BIRC6: variants seen among roughly 807,000 people sequenced by gnomAD.
BIRC6 encodes the protein baculoviral IAP repeat containing 6, also known as dual E2 ubiquitin-conjugating enzyme/E3 ubiquitin-protein ligase BIRC6.
A neutral mutation model predicts 503.3 loss-of-function variants in BIRC6; 98 were observed. That is an observed-to-expected ratio of 0.19 (90% CI 0.17 to 0.23). The LOEUF (loss-of-function observed/expected upper bound fraction) is 0.23. BIRC6 is among the 10% of genes least tolerant of loss of function. The probability of loss-of-function intolerance (pLI) is 1.00; values close to 1 mark genes in which losing one functional copy is unlikely to be tolerated. For missense variants in BIRC6, 5,360 were observed against 5,806.0 expected, an observed-to-expected ratio of 0.92 and a Z score of 2.50; for synonymous variants, 2,240 against 2,078.7, an observed-to-expected ratio of 1.08 and a Z score of -2.11.
chr2:32,440,751 T>TTTTTTTATTATTA (rs773312894), intron 16 of BIRC6, among the ~76,000 whole-genome samples: 2 of 147,150 alleles, frequency 1.4e-5, no homozygotes, highest in Non-Finnish European at 3.0e-5. Context: ...TGTTTATTTA[T>TTTTTTTATTATTA]TTATTATTAT....
intron 30 of BIRC6, 146 bp downstream of exon 30, chr2:32,469,760 CA>C: frequency 1.4e-6 from 1 of 720,360 alleles, no homozygotes; most frequent in Non-Finnish European, 2.3e-6. Flanking sequence ...CAGTGAAGGG[CA>C]CCAGCACTGT....
At position 32,491,502 on chromosome 2, in the gene BIRC6, T is replaced by G. The variant is rs763597216; in HGVS notation, c.8284T>G (p.Leu2762Val). The change falls in exon 44 of 74, where the codon TTA (leucine) becomes GTA (valine). Residue 2762 changes from leucine (L) to valine (V), a missense_variant. Transcript: ENST00000421745. Reference sequence around the variant, plus strand: ...TTCAGATCCAAACCTAATTCATGTATTAGTGAAATTTCTTTCTGGCACCAG... The same window carrying G: ...TTCAGATCCAAACCTAATTCATGTAGTAGTGAAATTTCTTTCTGGCACCAG... ...LVSDPNLIHV[L>V]VKFLSGTSPH... is the part of the protein sequence containing the mutation. The G allele has an allele frequency of 1.9e-6, 3 of 1,613,554 alleles. No homozygotes were observed. The South Asian group carries it at 3.3e-5, about 18-fold the overall frequency.
chr2:32,419,663 T>A (rs1574075808), intron 10 of BIRC6, among the ~76,000 whole-genome samples: 1 of 152,216 alleles, frequency 6.6e-6, no homozygotes, highest in East Asian at 1.9e-4. Flanking sequence ...AGGCCGCAAT[T>A]AATAGGGAAC....
chr2:32,390,158 C>T (rs753174765), intron 4 of BIRC6, among the ~76,000 whole-genome samples: 8 of 151,310 alleles, frequency 5.3e-5, no homozygotes, highest in Non-Finnish European at 1.0e-4. Flanking sequence ...TGGCACCCAG[C>T]CAAATTTTCT....
chr2:32,571,494 G>T (rs1463478150), intron 65 of BIRC6, among the ~76,000 whole-genome samples: 2 of 148,298 alleles, frequency 1.3e-5, no homozygotes, highest in Non-Finnish European at 3.0e-5. Context: ...TCAGGAGGTT[G>T]TATGTTTCCA....
chr2:32,525,872 T>G (rs1004915396), intron 59 of BIRC6, among the ~76,000 whole-genome samples: 8 of 152,200 alleles, frequency 5.3e-5, no homozygotes, highest in Non-Finnish European at 1.2e-4. Flanking sequence ...TAAGTTTTTC[T>G]GTCAGTGTGC....
intron 22 of BIRC6, 66 bp downstream of exon 22, chr2:32,448,994 T>C: frequency 6.8e-7 from 1 of 1,463,444 alleles, no homozygotes; most frequent in Non-Finnish European, 9.4e-7. Context: ...GCCATTTGAC[T>C]TAATAGATTA....
Position 32,499,969 on chromosome 2 carries a change from A to G in BIRC6, c.8891A>G (p.Lys2964Arg), listed in dbSNP as rs2052954397. Residue 2964 changes from lysine (K) to arginine (R), a missense_variant, in exon 46 of 74, where the codon AAA becomes AGA. Transcript: ENST00000421745. ...GATGAAGAAAAAGTCTCAGGAGGCA[A>G]AGATGGCAATGGAAGCAGTACCAGT... ...VSDEEKVSGG[K>R]DGNGSSTSVQ... 6.2e-7 allele frequency: 1 copy of G among 1,614,064 alleles called. No homozygotes were observed. Among genetic ancestry groups the G allele is most frequent in the East Asian group, 2.2e-5 (1 of 44,886 alleles).
At chr2:32,574,968 G>A (rs1161718192) in intron 65 of BIRC6, 188 bp from the exon 66 acceptor site, 1 of 612,770 alleles carries the variant, frequency 1.6e-6, no homozygotes, top group Admixed American at 2.9e-5. Context: ...GGCTGGTCTC[G>A]AACTCCCGAC....
chr2:32,377,701 G>A lies in BIRC6; in HGVS notation c.439G>A (p.Asp147Asn). The A allele has an allele frequency of 6.2e-7, 1 of 1,613,736 alleles. No individual in the cohort carries two copies. The highest frequency in any genetic ancestry group is 1.3e-5 in the African/African-American group (1 of 75,018). Residue 147 changes from aspartate (D) to asparagine (N), a missense_variant, in exon 2 of 74, where the codon GAC (aspartate) becomes AAC (asparagine). By Grantham distance (23) the Asp-to-Asn change is conservative. Around this residue, in one of 16 missense-constraint regions of BIRC6, gnomAD observed 134 missense variants for 150.9 expected, o/e 0.89. Transcript: ENST00000421745. Reference sequence around the variant, plus strand: ...GGACCTTAATGGAATCTTGTTGTTAGACACTGCTCTGCAAACTCCAGTTTC... The same window carrying A: ...GGACCTTAATGGAATCTTGTTGTTAAACACTGCTCTGCAAACTCCAGTTTC... The part of the protein sequence containing the change: ...RKDLNGILLL[D>N]TALQTPVSKQ...
intron 5 of BIRC6, among the ~76,000 whole-genome samples, chr2:32,395,051 C>T (rs1298741777): frequency 6.6e-6 from 1 of 152,168 alleles, no homozygotes; most frequent in Non-Finnish European, 1.5e-5. Flanking sequence ...ACTCGGGAGG[C>T]TGAGGCAGGA....
chr2:32,380,600 G>A (rs1046917506), intron 3 of BIRC6, among the ~76,000 whole-genome samples: 5 of 151,902 alleles, frequency 3.3e-5, no homozygotes, highest in African/African-American at 1.2e-4. Context: ...GGTGGCAGGC[G>A]CCTGTAATCC....
chr2:32,585,166 A>G (rs2060943513), intron 66 of BIRC6, among the ~76,000 whole-genome samples: 1 of 152,188 alleles, frequency 6.6e-6, no homozygotes, highest in South Asian at 2.1e-4. Context: ...GGTGCAAGCA[A>G]TGTTGCACAC....
chr2:32,465,225 A>G lies in BIRC6; in HGVS notation c.5356+61A>G. On this transcript the variant is annotated intron_variant, in intron 26 of 73. Coordinates refer to ENST00000421745, the MANE Select transcript of BIRC6 (RefSeq NM_016252.4). ...TTTTTGCTTAGTCTGCCGGCCTTTT[A>G]AAGACTCATTATTCTTCAGTTCGAT... 5.6e-6 allele frequency: 4 copies of G among 711,830 alleles called. 1 individual carries two copies. In the South Asian group the frequency reaches 8.4e-5, roughly 15 times the overall value. 44.1% of individuals were successfully genotyped at this position (711,830 alleles called of 1,614,324 possible). A position where few individuals can be genotyped will look rare whatever the true frequency, so the allele number is the denominator to read the frequency against.
intron 69 of BIRC6, among the ~76,000 whole-genome samples, chr2:32,598,751 A>G (rs2061842821): frequency 6.6e-6 from 1 of 152,048 alleles, no homozygotes; most frequent in African/African-American, 2.4e-5. Context: ...GATTTTTTGG[A>G]TAGGCTCATG....
At chr2:32,514,198 C>T (rs1457213223) in intron 54 of BIRC6, among the ~76,000 whole-genome samples, 1 of 152,024 alleles carries the variant, frequency 6.6e-6, no homozygotes, top group Non-Finnish European at 1.5e-5. Context: ...GCATGTTCCT[C>T]TATCCCTAAC....
At chr2:32,528,859 G>T (rs1478042520) in intron 59 of BIRC6, 1 of 152,008 alleles carries the variant, frequency 6.6e-6, no homozygotes, top group Admixed American at 6.6e-5. Context: ...ATGTGTGTAT[G>T]TGTGTATACA....
intron 38 of BIRC6, 111 bp downstream of exon 38, chr2:32,481,564 A>G: frequency 1.2e-6 from 1 of 849,816 alleles, no homozygotes; most frequent in South Asian, 2.6e-5. Context: ...CAAGAGATCA[A>G]GACCATCCTG....
At chr2:32,591,821 T>A (rs1004543749) in intron 66 of BIRC6, among the ~76,000 whole-genome samples, 3 of 152,228 alleles carry the variant, frequency 2.0e-5, no homozygotes, top group African/African-American at 7.2e-5. Context: ...GACCTGGTAA[T>A]AGAGAATCAT....
Sources: gnomAD v4.1 joint callset for allele counts (sites outside exome capture counted in the v4.1 genomes callset) on GRCh38, gnomAD v4.1.1 for gene constraint, gnomAD v4.1.1 regional missense constraint, MANE v1.5 for transcripts, NCBI Gene and HGNC (gene_info 2026-07-23, HGNC 2026-07-21) for gene names.